HIKESHI: variants seen among roughly 807,000 people sequenced by gnomAD.
The protein encoded by HIKESHI is protein Hikeshi.
Under a neutral mutation model 25.7 loss-of-function variants are expected in HIKESHI, and 13 were observed. The ratio of observed to expected loss-of-function variants is 0.51; its 90% CI spans 0.33 to 0.80. The LOEUF (loss-of-function observed/expected upper bound fraction) is 0.80. Among genes scored for constraint, HIKESHI ranks in the 30% least tolerant of loss-of-function variants. The pLI, the probability that HIKESHI is intolerant of heterozygous loss-of-function variation, is 0.02. For missense variants in HIKESHI, 174 were observed against 229.5 expected, an observed-to-expected ratio of 0.76 and a Z score of 1.56; for synonymous variants, 76 against 78.7, an observed-to-expected ratio of 0.97 and a Z score of 0.18.
intron 2 of HIKESHI, among the ~76,000 whole-genome samples, chr11:86,311,392 G>GATCGGTGGTGT: frequency 6.6e-6 from 1 of 151,958 alleles, no homozygotes; most frequent in East Asian, 1.9e-4. Context: ...TATTTCTGTG[G>GATCGGTGGTGT]GATCGGTGGT....
chr11:86,307,974 TG>T (rs1946704995), intron 2 of HIKESHI, among the ~76,000 whole-genome samples: 1 of 120,578 alleles, frequency 8.3e-6, no homozygotes, highest in African/African-American at 3.3e-5. Flanking sequence ...AAAATATATA[TG>T]TGTAATATAT....
chr11:86,312,188 G>C (rs901959336), intron 2 of HIKESHI, among the ~76,000 whole-genome samples: 13 of 152,210 alleles, frequency 8.5e-5, no homozygotes, highest in Non-Finnish European at 1.6e-4. Context: ...TCATTGTGTG[G>C]GAGTCTAAGT....
chr11:86,317,570 C>T (rs992608364), intron 2 of HIKESHI, among the ~76,000 whole-genome samples: 18 of 151,886 alleles, frequency 1.2e-4, no homozygotes, highest in African/African-American at 4.1e-4. Flanking sequence ...TTTGGGAGGC[C>T]GAGGCAGGTG....
At chr11:86,316,523 A>G (rs1366460591) in intron 2 of HIKESHI, among the ~76,000 whole-genome samples, 2 of 152,140 alleles carry the variant, frequency 1.3e-5, no homozygotes, top group Non-Finnish European at 2.9e-5. Flanking sequence ...AAAAAATAAA[A>G]TGAAATAAAA....
chr11:86,330,230 T>C (rs1947387275), intron 2 of HIKESHI, among the ~76,000 whole-genome samples: 1 of 152,212 alleles, frequency 6.6e-6, no homozygotes, highest in Non-Finnish European at 1.5e-5. Context: ...ATTTGACAAC[T>C]ATGAAACCAG....
chr11:86,341,413 G>C (rs545670871), intron 3 of HIKESHI, among the ~76,000 whole-genome samples: 1 of 150,050 alleles, frequency 6.7e-6, no homozygotes, highest in Admixed American at 6.6e-5. Context: ...ACTCTACTAA[G>C]TGTAAATTCT....
rs1947577726 is a variant in HIKESHI, at chr11:86,336,893, C to G, written c.269-486C>G. 1.3e-5 allele frequency among the ~76,000 whole-genome samples: 2 copies of G among 151,788 alleles called. 1 individual carries two copies. Among genetic ancestry groups the G allele is most frequent in the South Asian group, 4.2e-4 (2 of 4,816 alleles). ...ATAGCTGATTTCTCATCAGAGACCCCATAGTCTTCTAGACGGTAGTGGATT... is the reference window on the plus strand; with the variant it reads ...ATAGCTGATTTCTCATCAGAGACCCGATAGTCTTCTAGACGGTAGTGGATT... On this transcript the variant is annotated intron_variant, in intron 2 of 4. Coordinates refer to ENST00000278483, the MANE Select transcript of HIKESHI (RefSeq NM_016401.4).
chr11:86,306,065 T>C (rs1371758188), intron 1 of HIKESHI, among the ~76,000 whole-genome samples, 180 bp from the exon 2 acceptor site: 1 of 152,150 alleles, frequency 6.6e-6, no homozygotes, highest in East Asian at 1.9e-4. Context: ...TTTTAGAAGA[T>C]TGCATTTAGT....
At chr11:86,310,141 A>G (rs1173186505) in intron 2 of HIKESHI, among the ~76,000 whole-genome samples, 1 of 147,512 alleles carries the variant, frequency 6.8e-6, no homozygotes, top group South Asian at 2.2e-4. Context: ...CATTGAATCT[A>G]TAAATTACCT....
At chr11:86,305,774 C>T (rs1054163215) in intron 1 of HIKESHI, among the ~76,000 whole-genome samples, 1 of 151,446 alleles carries the variant, frequency 6.6e-6, no homozygotes, top group Non-Finnish European at 1.5e-5. Context: ...CAGTTTTGCT[C>T]TTGTTGCCCA....
At chr11:86,332,876 G>C (rs1447800218) in intron 2 of HIKESHI, among the ~76,000 whole-genome samples, 1 of 152,210 alleles carries the variant, frequency 6.6e-6, no homozygotes, top group African/African-American at 2.4e-5. Flanking sequence ...GTTTGTCATT[G>C]CATTAACCTA....
intron 2 of HIKESHI, among the ~76,000 whole-genome samples, chr11:86,333,132 G>A (rs1181660678): frequency 1.3e-5 from 2 of 152,218 alleles, no homozygotes; most frequent in African/African-American, 2.4e-5. Flanking sequence ...CGATGGTAAA[G>A]TGGATCATAT....
At chr11:86,332,446 G>A (rs1275768961) in intron 2 of HIKESHI, among the ~76,000 whole-genome samples, 2 of 152,056 alleles carry the variant, frequency 1.3e-5, no homozygotes, top group Non-Finnish European at 2.9e-5. Flanking sequence ...AAAAAATAAA[G>A]AATAGAGATA....
chr11:86,306,972 C>A (rs1178708115), intron 2 of HIKESHI, among the ~76,000 whole-genome samples: 1 of 147,530 alleles, frequency 6.8e-6, no homozygotes, highest in African/African-American at 2.5e-5. Context: ...TGCACTCCAG[C>A]CTGGGTGACA....
intron 2 of HIKESHI, among the ~76,000 whole-genome samples, chr11:86,314,308 T>C (rs1946914132): frequency 6.6e-6 from 1 of 152,058 alleles, no homozygotes; most frequent in Non-Finnish European, 1.5e-5. Context: ...TTTTATATAG[T>C]TGGTATTCTA....
At chr11:86,335,213 T>TA (rs930277676) in intron 2 of HIKESHI, among the ~76,000 whole-genome samples, 44 of 151,464 alleles carry the variant, frequency 2.9e-4, no homozygotes, top group African/African-American at 9.4e-4. Context: ...GAAGACTGTT[T>TA]AAAAAAAAAG....
intron 1 of HIKESHI, among the ~76,000 whole-genome samples, chr11:86,305,084 T>G (rs1437694820): frequency 6.6e-6 from 1 of 152,156 alleles, no homozygotes; most frequent in Non-Finnish European, 1.5e-5. Context: ...GCTGCAGCCT[T>G]GACATCCTGG....
intron 2 of HIKESHI, among the ~76,000 whole-genome samples, chr11:86,319,818 G>A (rs1947104142): frequency 6.6e-6 from 1 of 152,076 alleles, no homozygotes; most frequent in Admixed American, 6.5e-5. Context: ...GATTCTTATA[G>A]GTGGTGGTGT....
chr11:86,321,459 G>A (rs1185549732), intron 2 of HIKESHI, among the ~76,000 whole-genome samples: 1 of 152,132 alleles, frequency 6.6e-6, no homozygotes, highest in African/African-American at 2.4e-5. Flanking sequence ...TAGAATGGCT[G>A]CATCATACAG....
Sources: allele counts gnomAD v4.1 joint callset (sites outside exome capture counted in the v4.1 genomes callset), GRCh38; gene constraint gnomAD v4.1.1; transcripts MANE v1.5; gene names NCBI Gene and HGNC (gene_info 2026-07-23, HGNC 2026-07-21).